The following GRAMD1B variants were observed in gnomAD, a reference collection of about 807,000 sequenced individuals.
GRAMD1B encodes the protein protein Aster-B.
A neutral mutation model predicts 99.7 loss-of-function variants in GRAMD1B; 37 were observed. The ratio of observed to expected loss-of-function variants is 0.37; its 90% CI spans 0.29 to 0.49. The LOEUF (loss-of-function observed/expected upper bound fraction) is 0.49. GRAMD1B is among the 20% of genes least tolerant of loss of function. The pLI, the probability that GRAMD1B is intolerant of heterozygous loss-of-function variation, is 0.98. For missense variants in GRAMD1B, 888 were observed against 1,009.2 expected (o/e 0.88, Z 1.63); for synonymous variants, 427 against 387.6 (o/e 1.10, Z -1.19).
intron 1 of GRAMD1B, among the ~76,000 whole-genome samples, chr11:123,438,749 C>G (rs1352477447): frequency 6.6e-6 from 1 of 152,202 alleles, no homozygotes; most frequent in Admixed American, 6.5e-5. Flanking sequence ...GGTGATCTTT[C>G]TGTCCTAGTT....
At chr11:123,415,380 C>T (rs1948201148) in intron 1 of GRAMD1B, among the ~76,000 whole-genome samples, 2 of 152,030 alleles carry the variant, frequency 1.3e-5, no homozygotes, top group Non-Finnish European at 2.9e-5. Context: ...GGATTACAGG[C>T]GTGAGCCACC....
intron 1 of GRAMD1B, among the ~76,000 whole-genome samples, chr11:123,445,782 G>C (rs1172188363): frequency 7.6e-6 from 1 of 130,726 alleles, no homozygotes; most frequent in African/African-American, 3.0e-5. Flanking sequence ...TGGTGCCAGT[G>C]CACTTCAGCC....
intron 3 of GRAMD1B, among the ~76,000 whole-genome samples, chr11:123,582,142 C>T (rs1362782813): frequency 1.1e-4 from 16 of 152,234 alleles, no homozygotes; most frequent in East Asian, 1.9e-4. Flanking sequence ...GCTCCCAGAG[C>T]GCACCTTCCT....
chr11:123,467,927 A>G (rs928770617), intron 1 of GRAMD1B, among the ~76,000 whole-genome samples: 2 of 147,382 alleles, frequency 1.4e-5, no homozygotes, highest in African/African-American at 2.5e-5. Flanking sequence ...GAAGTGGCGC[A>G]GTCTGAGTTC....
At chr11:123,552,273 C>CTTTTTTTTTTTTTTTTTTTCT (rs71060514) in intron 2 of GRAMD1B, among the ~76,000 whole-genome samples, 1 of 119,370 alleles carries the variant, frequency 8.4e-6, no homozygotes, top group Admixed American at 9.2e-5. Flanking sequence ...CTCTTTCTTT[C>CTTTTTTTTTTTTTTTTTTTCT]TTTTTTTTTT....
chr11:123,598,579 A>C, intron 7 of GRAMD1B: 1 of 1,554,536 alleles, frequency 6.4e-7, no homozygotes. Context: ...GACTCTAGGG[A>C]CTTTCCTTTG....
intron 2 of GRAMD1B, among the ~76,000 whole-genome samples, chr11:123,486,780 AT>A (rs1937850753): frequency 6.6e-6 from 1 of 152,184 alleles, no homozygotes; most frequent in East Asian, 1.9e-4. Flanking sequence ...AAACTGAAGA[AT>A]TTTACAAGCT....
intron 2 of GRAMD1B, among the ~76,000 whole-genome samples, chr11:123,567,004 TG>T (rs1947468599): frequency 6.6e-6 from 1 of 152,160 alleles, no homozygotes; most frequent in African/African-American, 2.4e-5. Flanking sequence ...CACGTGGTAA[TG>T]ATTGCCTGGG....
intron 6 of GRAMD1B, 144 bp from the exon 7 acceptor site, chr11:123,595,798 T>C: frequency 1.8e-6 from 1 of 561,632 alleles, no homozygotes; most frequent in Non-Finnish European, 3.2e-6. Flanking sequence ...GTAAACCAGA[T>C]GATCACCAAT....
At chr11:123,554,416 C>CAGTG (rs1459393283) in intron 2 of GRAMD1B, among the ~76,000 whole-genome samples, 1 of 150,086 alleles carries the variant, frequency 6.7e-6, no homozygotes, top group Non-Finnish European at 1.5e-5. Context: ...TGGCTGGGTG[C>CAGTG]AGTGGCTCAT....
At chr11:123,365,195 C>T (rs1946276492) in intron 1 of GRAMD1B, among the ~76,000 whole-genome samples, 1 of 152,126 alleles carries the variant, frequency 6.6e-6, no homozygotes, top group Non-Finnish European at 1.5e-5. Flanking sequence ...TATTTTTAAA[C>T]TATGATTTTC....
intron 1 of GRAMD1B, among the ~76,000 whole-genome samples, chr11:123,398,481 A>G (rs1947546088): frequency 6.6e-6 from 1 of 152,230 alleles, no homozygotes; most frequent in Admixed American, 6.5e-5. Flanking sequence ...TAATTTTTGA[A>G]CACATGAAAT....
intron 2 of GRAMD1B, among the ~76,000 whole-genome samples, chr11:123,515,773 CT>C (rs35378274): frequency 5.0e-4 from 74 of 147,146 alleles, no homozygotes; most frequent in Admixed American, 4.7e-4. Flanking sequence ...ATATTCAAAC[CT>C]TTTTTTTTTT....
At chr11:123,559,691 T>TA in intron 2 of GRAMD1B, 1 of 984,970 alleles carries the variant, frequency 1.0e-6, no homozygotes, top group Non-Finnish European at 1.2e-6. Context: ...TTGCCACGAA[T>TA]GTAAGTGCTT....
At chr11:123,485,321 C>CTTTTTT (rs1401777118) in intron 2 of GRAMD1B, among the ~76,000 whole-genome samples, 4 of 152,146 alleles carry the variant, frequency 2.6e-5, no homozygotes, top group Non-Finnish European at 5.9e-5. Context: ...AAAACATTTT[C>CTTTTTT]TTTTCTTGCT....
Position 123,618,817 on chromosome 11 carries a change from C to T in GRAMD1B, c.2426+17C>T, listed in dbSNP as rs1471508298. 1 of 1,230,700 alleles carries T rather than the reference C, an allele frequency of 8.1e-7. No individual in the cohort carries two copies. The highest frequency in any genetic ancestry group is 1.2e-6 in the Non-Finnish European group (1 of 852,398). The allele number at this position is 1,230,700 out of a possible 1,614,324, so 76.2% of individuals were successfully genotyped here. On this transcript the variant is annotated intron_variant, in intron 18 of 19. Transcript: ENST00000635736. Reference sequence around the variant, plus strand: ...CCAAGAAAGGTAATCCTGGCCTCGTCCCCTCACCTCCACCTTCATCCCACC... The same window carrying T: ...CCAAGAAAGGTAATCCTGGCCTCGTTCCCTCACCTCCACCTTCATCCCACC...
chr11:123,526,042 A>T, intron 2 of GRAMD1B: 1 of 923,468 alleles, frequency 1.1e-6, no homozygotes, highest in Non-Finnish European at 1.8e-6. Context: ...ATTACATGGG[A>T]TTCTGTTCTT....
At chr11:123,450,671 C>T (rs1695257213) in intron 1 of GRAMD1B, among the ~76,000 whole-genome samples, 1 of 152,160 alleles carries the variant, frequency 6.6e-6, no homozygotes, top group Non-Finnish European at 1.5e-5. Context: ...CGGGGAGGAG[C>T]TGGTGGCTAA....
intron 10 of GRAMD1B, among the ~76,000 whole-genome samples, chr11:123,606,280 A>C (rs1302267494): frequency 6.6e-6 from 1 of 152,262 alleles, no homozygotes; most frequent in Non-Finnish European, 1.5e-5. Flanking sequence ...ATAAACAGGT[A>C]CTACCTGGAG....
Sources: gnomAD v4.1 joint callset for allele counts (sites outside exome capture counted in the v4.1 genomes callset) on GRCh38, gnomAD v4.1.1 for gene constraint, MANE v1.5 for transcripts, NCBI Gene and HGNC (gene_info 2026-07-23, HGNC 2026-07-21) for gene names.